Variants in ERBIN observed in about 807,000 individuals in gnomAD.
The protein encoded by ERBIN is erbb2 interacting protein.
Under a neutral mutation model 158.4 loss-of-function variants are expected in ERBIN, and 60 were observed. That is an observed-to-expected ratio of 0.38 (90% CI 0.31 to 0.47). The LOEUF (loss-of-function observed/expected upper bound fraction) is 0.47, where lower values mean the gene tolerates loss of function less well. Ranked by LOEUF, ERBIN falls within the 20% of genes least tolerant of loss-of-function variation. The pLI, the probability that ERBIN is intolerant of heterozygous loss-of-function variation, is 0.99. For synonymous variants in ERBIN, 594 were observed against 557.2 expected (o/e 1.07, Z -0.93); for missense variants, 1,610 against 1,648.0 (o/e 0.98, Z 0.40).
At chr5:66,012,672 T>A (rs1457408360) in intron 5 of ERBIN, among the ~76,000 whole-genome samples, 4 of 152,130 alleles carry the variant, frequency 2.6e-5, no homozygotes, top group Non-Finnish European at 1.5e-5. Context: ...TTGGAAAAAT[T>A]GAATGGTGAA....
chr5:66,008,599 A>G (rs1753868808), intron 4 of ERBIN, among the ~76,000 whole-genome samples: 1 of 152,218 alleles, frequency 6.6e-6, no homozygotes. Flanking sequence ...AGAACATATT[A>G]TATAGTCTTA....
chr5:66,033,809 T>G (rs1352131312), intron 14 of ERBIN, among the ~76,000 whole-genome samples: 1 of 151,888 alleles, frequency 6.6e-6, no homozygotes, highest in Non-Finnish European at 1.5e-5. Context: ...GCTGTGTGAG[T>G]AAGATTAAGA....
At chr5:66,072,134 C>T in intron 21 of ERBIN, 35 bp from the exon 22 acceptor site, 2 of 1,541,922 alleles carry the variant, frequency 1.3e-6, no homozygotes, top group Non-Finnish European at 1.7e-6. Flanking sequence ...TCTTAAAGAA[C>T]ATTATTTGTT....
At chr5:66,058,023 G>A (rs1759807999) in intron 21 of ERBIN, among the ~76,000 whole-genome samples, 1 of 152,110 alleles carries the variant, frequency 6.6e-6, no homozygotes, top group Non-Finnish European at 1.5e-5. Flanking sequence ...ATAGCAGCAT[G>A]ATTTATAATC....
intron 1 of ERBIN, among the ~76,000 whole-genome samples, chr5:65,962,318 A>G (rs936087448): frequency 6.6e-5 from 10 of 152,196 alleles, no homozygotes; most frequent in African/African-American, 2.4e-4. Context: ...AAATTGGAGA[A>G]ATTGGCTATT....
rs759219702 is a variant in ERBIN at position 66,024,392 on chromosome 5, A to G, written c.759A>G (p.Glu253=). ...EMVEEGISTC[E]NLQDLLLSSN... ...TTGAAGAAGGAATTTCAACATGTGAAAACCTTCAAGACCTCCTATTATCAA... is the reference window on the plus strand; with the variant it reads ...TTGAAGAAGGAATTTCAACATGTGAGAACCTTCAAGACCTCCTATTATCAA... Residue 253 remains glutamate, a synonymous_variant, in exon 10 of 26, where the codon GAA becomes GAG. Transcript: ENST00000284037. 1 of 1,608,128 alleles carries G rather than the reference A, an allele frequency of 6.2e-7. No homozygotes were observed. Among genetic ancestry groups the G allele is most frequent in the African/African-American group, 1.3e-5 (1 of 74,584 alleles).
At chr5:65,996,079 T>G (rs947825462) in intron 4 of ERBIN, among the ~76,000 whole-genome samples, 1 of 152,122 alleles carries the variant, frequency 6.6e-6, no homozygotes, top group Non-Finnish European at 1.5e-5. Flanking sequence ...CACTCTGTTG[T>G]TTCTTTGGCT....
chr5:66,010,911 A>C lies in ERBIN; in HGVS notation c.308-1138A>C, dbSNP rs1360740806. On this transcript the variant is annotated intron_variant, in intron 4 of 25. Coordinates refer to ENST00000284037, the MANE Select transcript of ERBIN (RefSeq NM_001253697.2). ...TATTTTGGCTGTGATAATTTCAAGGAATGAGTAAATGCTCAGAATCTTTCA... is the reference window on the plus strand; with the variant it reads ...TATTTTGGCTGTGATAATTTCAAGGCATGAGTAAATGCTCAGAATCTTTCA... Among the ~76,000 whole-genome samples, 4 of 152,348 alleles carry C rather than the reference A, an allele frequency of 2.6e-5. No homozygotes were observed. The East Asian group carries it at 7.7e-4, about 29-fold the overall frequency.
At chr5:66,021,495 C>G in intron 8 of ERBIN, 110 bp downstream of exon 8, 1 of 798,458 alleles carries the variant, frequency 1.3e-6, no homozygotes, top group Non-Finnish European at 1.8e-6. Flanking sequence ...ACTTTTTTTT[C>G]TTAGTTACAA....
At chr5:65,933,468 T>C (rs1678065024) in intron 1 of ERBIN, among the ~76,000 whole-genome samples, 1 of 152,228 alleles carries the variant, frequency 6.6e-6, no homozygotes, top group South Asian at 2.1e-4. Context: ...GGCAGTCTCC[T>C]TTTTTCATAA....
intron 1 of ERBIN, among the ~76,000 whole-genome samples, chr5:65,975,739 G>A (rs1326957906): frequency 1.3e-5 from 2 of 152,238 alleles, no homozygotes; most frequent in Non-Finnish European, 2.9e-5. Context: ...CTTGTTTGAG[G>A]AATTTTTCTG....
intron 7 of ERBIN, among the ~76,000 whole-genome samples, chr5:66,021,011 A>G (rs955416666): frequency 6.6e-6 from 1 of 151,972 alleles, no homozygotes; most frequent in African/African-American, 2.4e-5. Context: ...GTACTATATG[A>G]AAATTCATTA....
intron 20 of ERBIN, among the ~76,000 whole-genome samples, chr5:66,051,988 G>A (rs1344671752): frequency 6.6e-6 from 1 of 151,624 alleles, no homozygotes. Flanking sequence ...TAGATTGCTT[G>A]AGTACAGGAG....
chr5:66,055,707 C>T (rs1759517735), intron 21 of ERBIN, among the ~76,000 whole-genome samples: 1 of 152,130 alleles, frequency 6.6e-6, no homozygotes, highest in African/African-American at 2.4e-5. Context: ...TACTTACTCA[C>T]TAGATTTTAC....
At chr5:66,003,628 G>A (rs997021727) in intron 4 of ERBIN, among the ~76,000 whole-genome samples, 24 of 152,136 alleles carry the variant, frequency 1.6e-4, no homozygotes, top group African/African-American at 5.6e-4. Context: ...GATTATAAAT[G>A]TGTTTTTGTC....
At position 65,974,064 on chromosome 5, in the gene ERBIN, A is replaced by G. The variant is rs560105114; in HGVS notation, c.-57-14571A>G. ...AGCCTGGGCAACATAGCGAAACTCC[A>G]TCTCTACAAAATAAAAACTAAAAAA... On this transcript the variant is annotated intron_variant, in intron 1 of 25. Coordinates refer to ENST00000284037, the MANE Select transcript of ERBIN (RefSeq NM_001253697.2). 2.4e-4 allele frequency among the ~76,000 whole-genome samples: 37 copies of G among 151,192 alleles called. 1 individual carries two copies. The South Asian group carries it at 7.5e-3, about 31-fold the overall frequency.
In ERBIN at chr5:66,078,807, A is replaced by C. The variant is rs1204288242; in HGVS notation, c.*277A>C. The C allele has an allele frequency of 2.8e-6, 1 of 352,544 alleles. No individual in the cohort carries two copies. The highest frequency in any genetic ancestry group is 5.1e-6 in the Non-Finnish European group (1 of 196,710). The allele number at this position is 352,544 out of a possible 1,614,324, so 21.8% of individuals were successfully genotyped here. On this transcript the variant is annotated 3_prime_UTR_variant, in exon 26 of 26. Coordinates refer to ENST00000284037, the MANE Select transcript of ERBIN (RefSeq NM_001253697.2). ...ACAAACCTGTGTTGTTTTTGTATAG[A>C]TTGTAGGTTTATTTTTGGATTTCAT...
chr5:66,068,988 G>A, intron 21 of ERBIN: 1 of 1,535,010 alleles, frequency 6.5e-7, no homozygotes, highest in South Asian at 1.2e-5. Flanking sequence ...GAGTGTTGCA[G>A]ACAGAAGAGG....
chr5:66,054,068 C>A lies in ERBIN; in HGVS notation c.2750C>A (p.Thr917Lys). The A allele has an allele frequency of 6.2e-7, 1 of 1,614,180 alleles. No homozygotes were observed. Among genetic ancestry groups the A allele is most frequent in the Non-Finnish European group, 8.5e-7 (1 of 1,180,032 alleles). The change falls in exon 21 of 26, where the codon ACA becomes AAA. Residue 917 changes from threonine (T) to lysine (K), a missense_variant. Physicochemically the swap from Thr to Lys is moderately conservative, Grantham distance 78. This residue lies in a region of ERBIN where 1,014 missense variants were observed against 936.1 expected (regional missense o/e 1.08). Transcript: ENST00000284037. ...GKNIVRSKSA[T>K]LLYDQPLQVF... ...AATATAGTCAGGAGCAAGTCTGCCA[C>A]ACTGTTGTATGATCAACCATTGCAG...
Sources: allele counts gnomAD v4.1 joint callset (sites outside exome capture counted in the v4.1 genomes callset), GRCh38; gene constraint gnomAD v4.1.1; regional missense constraint gnomAD v4.1.1; transcripts MANE v1.5; gene names NCBI Gene and HGNC (gene_info 2026-07-23, HGNC 2026-07-21).